PHF1: variants seen among roughly 807,000 people sequenced by gnomAD.
PHF1 encodes the protein polycomb-like 1.
Under a neutral mutation model 69.4 loss-of-function variants are expected in PHF1, and 16 were observed. The ratio of observed to expected loss-of-function variants is 0.23; its 90% CI spans 0.16 to 0.35. The LOEUF (loss-of-function observed/expected upper bound fraction) is 0.35. Ranked by LOEUF, PHF1 falls within the 10% of genes least tolerant of loss-of-function variation. The pLI is 1.00. For synonymous variants in PHF1, 274 were observed against 275.0 expected (o/e 1.00, Z 0.04); for missense variants, 515 against 732.8 (o/e 0.70, Z 3.43).
intron 1 of PHF1, among the ~76,000 whole-genome samples, chr6:33,411,975 A>C (rs1776096694): frequency 6.6e-6 from 1 of 152,178 alleles, no homozygotes; most frequent in Non-Finnish European, 1.5e-5. Flanking sequence ...AGTTTGGCCA[A>C]CATGGCCAAC....
Position 33,415,790 on chromosome 6 carries a change from C to T in PHF1, c.1416-20C>T, listed in dbSNP as rs575126599. 3.8e-6 allele frequency: 6 copies of T among 1,595,084 alleles called. No individual in the cohort carries two copies. Among genetic ancestry groups the T allele is most frequent in the African/African-American group, 2.7e-5 (2 of 74,476 alleles). On this transcript the variant is annotated intron_variant, in intron 14 of 14. Transcript: ENST00000374516. ...GCTCTCCATTTCTGCCCATTTCTTA[C>T]AATTGCCTTCTCTCCCTAGGTCACC...
In PHF1 at chr6:33,416,087, G is replaced by T; in HGVS notation, c.1693G>T (p.Gly565Cys). The change falls in exon 15 of 15, where the codon GGC becomes TGC. Residue 565 changes from glycine to cysteine, a missense_variant. Gly to Cys is a radical substitution (Grantham distance 159). This residue lies in a region of PHF1 where 274 missense variants were observed against 304.5 expected (regional missense o/e 0.90). Coordinates refer to ENST00000374516, the MANE Select transcript of PHF1 (RefSeq NM_024165.3). ...VQYLVEWGGG[G>C]IF ...GTACCTGGTTGAGTGGGGAGGAGGG[G>T]GCATCTTCTGAACAGCCTGCCTCTG... 1 of 1,542,494 alleles carries T rather than the reference G, an allele frequency of 6.5e-7. No homozygotes were observed. Among genetic ancestry groups the T allele is most frequent in the Non-Finnish European group, 8.7e-7 (1 of 1,143,780 alleles).
rs1274285156 is a variant in PHF1, at chr6:33,416,359, C to T, written c.*261C>T. The T allele has an allele frequency of 1.3e-5, 6 of 470,618 alleles. No individual in the cohort carries two copies. The East Asian group carries it at 1.6e-4, about 12-fold the overall frequency. 29.2% of individuals were successfully genotyped at this position (470,618 alleles called of 1,614,324 possible). ...TTAAATATTTTTTAAAATTATTTAA[C>T]CCCTGGGGGCAGAGACTGAGGAGGG... is the stretch of plus-strand genomic sequence containing the variant. On this transcript the variant is annotated 3_prime_UTR_variant, in exon 15 of 15. Transcript: ENST00000374516.
In PHF1 at chr6:33,412,439, C is replaced by G; in HGVS notation, c.159+17C>G. On this transcript the variant is annotated intron_variant, in intron 2 of 14. Transcript: ENST00000374516. This position sits in a 1 kb window ranked among gnomAD's most constrained non-coding sequence, Gnocchi z 4.2. ...ATCAAAAAGGTAAGACCTTCTACCTCTGACCTTCTTCCTAGTTCCCTTATC... is the reference window on the plus strand; with the variant it reads ...ATCAAAAAGGTAAGACCTTCTACCTGTGACCTTCTTCCTAGTTCCCTTATC... The G allele has an allele frequency of 6.2e-7, 1 of 1,614,240 alleles. No homozygotes were observed. Among genetic ancestry groups the G allele is most frequent in the East Asian group, 2.2e-5 (1 of 44,882 alleles).
chr6:33,416,086 G>A lies in PHF1; in HGVS notation c.1692G>A (p.Gly564=). The A allele has an allele frequency of 6.5e-7, 1 of 1,544,236 alleles. No individual in the cohort carries two copies. ...AGTACCTGGTTGAGTGGGGAGGAGG[G>A]GGCATCTTCTGAACAGCCTGCCTCT... is the stretch of plus-strand genomic sequence containing the variant. ...SVQYLVEWGG[G]GIF is the part of the protein sequence containing the mutation. The change falls in exon 15 of 15, where the codon GGG becomes GGA. Residue 564 remains glycine (G), a synonymous_variant. Transcript: ENST00000374516.
At chr6:33,415,529 C>T in intron 13 of PHF1, 61 bp from the exon 14 acceptor site, 1 of 1,550,218 alleles carries the variant, frequency 6.5e-7, no homozygotes, top group Non-Finnish European at 8.9e-7. Context: ...TCTGCACTTC[C>T]CAGGGGGAGA....
chr6:33,415,267 C>T lies in PHF1; in HGVS notation c.1272C>T (p.Asn424=), dbSNP rs150787838. 1,677 of 1,613,940 alleles carry T rather than the reference C, an allele frequency of 1.0e-3. 4 individuals carry two copies. The highest frequency in any genetic ancestry group is 1.3e-3 in the Non-Finnish European group (1,537 of 1,179,912). Reference sequence around the variant, plus strand: ...TGTCTCCACCATCCCCCAGCCCTAACCAGAGTTACCAGGGCAGCAGCGGCT... The same window carrying T: ...TGTCTCCACCATCCCCCAGCCCTAATCAGAGTTACCAGGGCAGCAGCGGCT... ...ASVSPPSPSP[N]QSYQGSSGYN... Residue 424 remains asparagine (N), a synonymous_variant, in exon 13 of 15, where the codon AAC becomes AAT. Coordinates refer to ENST00000374516, the MANE Select transcript of PHF1 (RefSeq NM_024165.3).
At position 33,413,257 on chromosome 6, in the gene PHF1, C is replaced by T. The variant is rs1053473885; in HGVS notation, c.399C>T (p.Ser133=). The change falls in exon 5 of 15, where the codon TCC becomes TCT. Residue 133 remains serine, a synonymous_variant. Coordinates refer to ENST00000374516, the MANE Select transcript of PHF1 (RefSeq NM_024165.3). The part of the protein sequence containing the change: ...APAPGEGEGT[S]WVCRQCVFAI... Reference sequence around the variant, plus strand: ...CCCCTGGAGAGGGAGAGGGCACATCCTGGGTATGCCGCCAGTGTGTCTTTG... The same window carrying T: ...CCCCTGGAGAGGGAGAGGGCACATCTTGGGTATGCCGCCAGTGTGTCTTTG... The T allele has an allele frequency of 1.2e-6, 2 of 1,614,152 alleles. No individual in the cohort carries two copies. Among genetic ancestry groups the T allele is most frequent in the Non-Finnish European group, 1.7e-6 (2 of 1,179,994 alleles).
rs749791794 is a variant in PHF1 at position 33,415,575 on chromosome 6, C to T, written c.1335-15C>T. ...CCCCTGCTTCAGGTCCTGACTTTCC[C>T]CACTCCAACCCCAGCAGCCCCATCC... is the stretch of plus-strand genomic sequence containing the variant. On this transcript the variant is annotated splice_polypyrimidine_tract_variant and intron_variant, in intron 13 of 14. Coordinates refer to ENST00000374516, the MANE Select transcript of PHF1 (RefSeq NM_024165.3). 18 of 1,613,594 alleles carry T rather than the reference C, an allele frequency of 1.1e-5. No homozygotes were observed. The highest frequency in any genetic ancestry group is 2.2e-5 in the South Asian group (2 of 91,070).
At chr6:33,413,161 G>A (rs1245126407) in intron 4 of PHF1, 35 bp from the exon 5 acceptor site, 3 of 1,526,104 alleles carry the variant, frequency 2.0e-6, no homozygotes, top group Non-Finnish European at 2.7e-6. Flanking sequence ...AGCACACACA[G>A]GTATGCAATA....
At chr6:33,415,491 G>C (rs1776398523) in intron 13 of PHF1, 99 bp from the exon 14 acceptor site, 3 of 1,343,746 alleles carry the variant, frequency 2.2e-6, no homozygotes, top group South Asian at 2.4e-5. Context: ...TTCTGGGGAA[G>C]GGAGTCCCTT....
chr6:33,415,734 GTC>G, intron 14 of PHF1, 64 bp downstream of exon 14: 1 of 1,608,510 alleles, frequency 6.2e-7, no homozygotes, highest in Non-Finnish European at 8.5e-7. Flanking sequence ...AAGGCTCTTA[GTC>G]TCTAACACTG....
At position 33,412,244 on chromosome 6, in the gene PHF1, C is replaced by G. The variant is rs766981651; in HGVS notation, c.-16-4C>G. 6.3e-7 allele frequency: 1 copy of G among 1,597,812 alleles called. No individual in the cohort carries two copies. The highest frequency in any genetic ancestry group is 1.1e-5 in the South Asian group (1 of 90,674). ...CTTCTCCTCCCCATTTCTTTTCTGG[C>G]TAGGCCCCCCCAGGATGCAATGGCG... On this transcript the variant is annotated splice_polypyrimidine_tract_variant and splice_region_variant and intron_variant, in intron 1 of 14. Coordinates refer to ENST00000374516, the MANE Select transcript of PHF1 (RefSeq NM_024165.3). This position sits in a 1 kb window ranked among gnomAD's most constrained non-coding sequence, Gnocchi z 4.2.
rs1261077606 is a variant in PHF1 at position 33,414,309 on chromosome 6, T to C, written c.819T>C (p.Phe273=). ...SVCCKKKYFD[F]DREILPFTSE... ...GCTGTAAGAAGAAATACTTTGATTT[T>C]GATCGTGAGATCCTCCCCTTCACTT... is the stretch of plus-strand genomic sequence containing the variant. Residue 273 remains phenylalanine, a synonymous_variant, in exon 9 of 15, where the codon TTT becomes TTC. Transcript: ENST00000374516. The surrounding 1 kb of genome is among the most constrained non-coding windows in gnomAD (Gnocchi z 5.0). 1 of 1,614,200 alleles carries C rather than the reference T, an allele frequency of 6.2e-7. No homozygotes were observed. The highest frequency in any genetic ancestry group is 2.2e-5 in the East Asian group (1 of 44,876).
chr6:33,414,839 C>T lies in PHF1; in HGVS notation c.1049+10C>T. The T allele has an allele frequency of 6.2e-7, 1 of 1,603,830 alleles. No homozygotes were observed. Among genetic ancestry groups the T allele is most frequent in the Non-Finnish European group, 8.5e-7 (1 of 1,172,628 alleles). On this transcript the variant is annotated intron_variant, in intron 11 of 14. Transcript: ENST00000374516. This position sits in a 1 kb window ranked among gnomAD's most constrained non-coding sequence, Gnocchi z 5.0. Reference sequence around the variant, plus strand: ...ATGGAGCACTCACCAGGTCACTGGTCCAGGGGGGATGGGGGAAATTCTCAG... The same window carrying T: ...ATGGAGCACTCACCAGGTCACTGGTTCAGGGGGGATGGGGGAAATTCTCAG...
At position 33,412,835 on chromosome 6, in the gene PHF1, C is replaced by T. The variant is rs1776178765; in HGVS notation, c.337+42C>T. ...CCTGAATGGTCCAGCTTGCTCTTCC[C>T]TCCAGGATGGTCTCTATATCACCTG... On this transcript the variant is annotated intron_variant, in intron 4 of 14. Transcript: ENST00000374516. The surrounding 1 kb of genome is among the most constrained non-coding windows in gnomAD (Gnocchi z 4.2). The T allele has an allele frequency of 6.6e-7, 1 of 1,519,334 alleles. No homozygotes were observed. The highest frequency in any genetic ancestry group is 9.1e-7 in the Non-Finnish European group (1 of 1,094,038). The allele number at this position is 1,519,334 out of a possible 1,614,324, so 94.1% of individuals were successfully genotyped here. A position where few individuals can be genotyped will look rare whatever the true frequency, so the allele number is the denominator to read the frequency against.
upstream of PHF1, chr6:33,410,631 G>A (rs1257498087): frequency 1.3e-5 from 2 of 149,198 alleles, no homozygotes; most frequent in Non-Finnish European, 3.0e-5. Flanking sequence ...GTGAATGGAG[G>A]GCGGGGCTGT....
At position 33,415,984 on chromosome 6, in the gene PHF1, A is replaced by T. The variant is rs2151113268; in HGVS notation, c.1590A>T (p.Arg530=). 1.2e-6 allele frequency: 2 copies of T among 1,613,894 alleles called. No individual in the cohort carries two copies. Among genetic ancestry groups the T allele is most frequent in the East Asian group, 4.5e-5 (2 of 44,878 alleles). Residue 530 remains arginine (R), a synonymous_variant, in exon 15 of 15, where the codon CGA becomes CGT. Transcript: ENST00000374516. ...SLSPGTGGGV[R]GGVGYLSRGD... ...CTCCTGGGACTGGGGGAGGAGTCCG[A>T]GGTGGGGTTGGTTACCTGTCCCGAG...
Position 33,413,320 on chromosome 6 carries a change from T to C in PHF1, c.438+24T>C, listed in dbSNP as rs772354146. 8.1e-6 allele frequency: 13 copies of C among 1,611,426 alleles called. No homozygotes were observed. In the South Asian group the frequency reaches 1.2e-4, roughly 15 times the overall value. ...AGGTAAAGGCACTTCCCTGTTACCC[T>C]TCCTGTGGGAGCCTCCCATCCACAG... On this transcript the variant is annotated intron_variant, in intron 5 of 14. Transcript: ENST00000374516.
Sources: allele counts gnomAD v4.1 joint callset (sites outside exome capture counted in the v4.1 genomes callset), GRCh38; gene constraint gnomAD v4.1.1; regional missense constraint gnomAD v4.1.1; non-coding constraint Gnocchi (gnomAD v3.1); transcripts MANE v1.5; gene names NCBI Gene and HGNC (gene_info 2026-07-23, HGNC 2026-07-21).